THADA: variants seen among roughly 807,000 people sequenced by gnomAD.
THADA encodes the protein tRNA (32-2'-O)-methyltransferase regulator THADA.
THADA carries 213 observed loss-of-function variants against 219.8 expected under a neutral mutation model. The observed-to-expected ratio is 0.97, with a 90% CI of 0.87 to 1.09. THADA has a LOEUF of 1.09. THADA is among the 50% of genes least tolerant of loss of function. The pLI, the probability that THADA is intolerant of heterozygous loss-of-function variation, is 0.00. For missense variants in THADA, 2,956 were observed against 2,311.3 expected, an observed-to-expected ratio of 1.28 and a Z score of -5.72; for synonymous variants, 1,018 against 828.9, an observed-to-expected ratio of 1.23 and a Z score of -3.92.
At chr2:43,511,554 C>G (rs1690447505) in intron 22 of THADA, among the ~76,000 whole-genome samples, 1 of 152,176 alleles carries the variant, frequency 6.6e-6, no homozygotes, top group Admixed American at 6.5e-5. Context: ...CTGGACCCAA[C>G]CCTCCTACTT....
At chr2:43,523,308 A>C (rs928942107) in intron 22 of THADA, among the ~76,000 whole-genome samples, 4 of 151,838 alleles carry the variant, frequency 2.6e-5, no homozygotes, top group African/African-American at 9.7e-5. Context: ...CAGAAGTTGC[A>C]ATGAGCCAAG....
intron 28 of THADA, among the ~76,000 whole-genome samples, chr2:43,417,118 T>C: frequency 6.7e-6 from 1 of 148,698 alleles, no homozygotes; most frequent in East Asian, 2.0e-4. Context: ...CAAGTTACTA[T>C]ATGTGAAAGT....
intron 10 of THADA, among the ~76,000 whole-genome samples, chr2:43,576,482 T>C (rs1426441953): frequency 6.6e-6 from 1 of 152,226 alleles, no homozygotes; most frequent in Non-Finnish European, 1.5e-5. Flanking sequence ...AGATTTCTTA[T>C]CCTATATAGT....
At chr2:43,522,420 T>A (rs1306909524) in intron 22 of THADA, among the ~76,000 whole-genome samples, 1 of 152,020 alleles carries the variant, frequency 6.6e-6, no homozygotes, top group African/African-American at 2.4e-5. Flanking sequence ...GAATTACCAA[T>A]CAGAGGGCCA....
intron 29 of THADA, among the ~76,000 whole-genome samples, chr2:43,358,603 T>C (rs991899970): frequency 8.5e-5 from 13 of 152,340 alleles, no homozygotes; most frequent in Admixed American, 5.9e-4. Flanking sequence ...AGAGAGGCTA[T>C]AAAATTTGCC....
At chr2:43,236,527 A>G (rs531636181) in intron 36 of THADA, among the ~76,000 whole-genome samples, 29 of 152,302 alleles carry the variant, frequency 1.9e-4, no homozygotes, top group Admixed American at 1.8e-3. Flanking sequence ...CAAGGAAACA[A>G]GAAAGCAAGC....
At chr2:43,463,344 T>C (rs1350840519) in intron 26 of THADA, 2 of 152,168 alleles carry the variant, frequency 1.3e-5, no homozygotes, top group African/African-American at 4.8e-5. Flanking sequence ...GTGGAGTCCT[T>C]TGGAAATCTT....
Position 43,293,093 on chromosome 2 carries a change from G to C in THADA, c.4559C>G (p.Thr1520Ser). 6.2e-7 allele frequency: 1 copy of C among 1,613,992 alleles called. No homozygotes were observed. The highest frequency in any genetic ancestry group is 8.5e-7 in the Non-Finnish European group (1 of 1,179,904). ...PGLPQYLQSL[T>S]RLAIAAVWAA... The stretch of plus-strand genomic sequence containing the variant: ...CCACACTGCAGCAATGGCTAGTCTG[G>C]TGAGGCTCTGGAGGTACTGGGGCAG... The change falls in exon 32 of 38, where the codon ACC (threonine) becomes AGC (serine). Residue 1520 changes from threonine (T) to serine (S), a missense_variant. Physicochemically the swap from Thr to Ser is moderately conservative, Grantham distance 58 (BLOSUM62 1). Coordinates refer to ENST00000405975, the MANE Select transcript of THADA (RefSeq NM_022065.5).
At chr2:43,467,180 T>C (rs1307013155) in intron 26 of THADA, among the ~76,000 whole-genome samples, 1 of 20,944 alleles carries the variant, frequency 4.8e-5, no homozygotes, top group African/African-American at 1.6e-4. Context: ...AGACTCCGTC[T>C]CAAAAAAAAA....
At chr2:43,336,889 A>G (rs985985553) in intron 30 of THADA, among the ~76,000 whole-genome samples, 5 of 152,226 alleles carry the variant, frequency 3.3e-5, no homozygotes, top group African/African-American at 4.8e-5. Flanking sequence ...GGGGCCGTGC[A>G]GAAGCACAGA....
At chr2:43,423,435 CTT>C (rs34481568) in intron 28 of THADA, among the ~76,000 whole-genome samples, 56 of 142,168 alleles carry the variant, frequency 3.9e-4, no homozygotes, top group African/African-American at 4.1e-4. Flanking sequence ...TTCTTTCTTT[CTT>C]TTTTTTTTTT....
At chr2:43,567,489 T>C (rs897664991) in intron 14 of THADA, among the ~76,000 whole-genome samples, 1 of 152,034 alleles carries the variant, frequency 6.6e-6, no homozygotes, top group Non-Finnish European at 1.5e-5. Context: ...TAGCCAGGTG[T>C]GGTGGCAGAG....
intron 28 of THADA, among the ~76,000 whole-genome samples, chr2:43,422,792 C>T (rs781717146): frequency 1.1e-4 from 16 of 152,128 alleles, no homozygotes; most frequent in Admixed American, 2.0e-4. Flanking sequence ...TCACAGCTCA[C>T]TTGAGCTGCC....
Position 43,577,260 on chromosome 2 carries a change from A to G in THADA, c.817-18T>C. 6.5e-7 allele frequency: 1 copy of G among 1,542,956 alleles called. No individual in the cohort carries two copies. The highest frequency in any genetic ancestry group is 1.2e-5 in the South Asian group (1 of 84,244). On this transcript the variant is annotated intron_variant, in intron 9 of 37. Transcript: ENST00000405975. The stretch of plus-strand genomic sequence containing the variant: ...CTGCTAATCTGGAAAAATATAGCAG[A>G]GCTAACACACATAAAGCTTTTAAAA...
chr2:43,555,355 A>C (rs1488604824), intron 17 of THADA, among the ~76,000 whole-genome samples: 4 of 151,414 alleles, frequency 2.6e-5, no homozygotes, highest in African/African-American at 9.7e-5. Context: ...CTTGTGAATA[A>C]AACTTGTGAA....
intron 29 of THADA, among the ~76,000 whole-genome samples, chr2:43,384,014 T>G (rs1015440500): frequency 6.6e-6 from 1 of 152,152 alleles, no homozygotes; most frequent in Non-Finnish European, 1.5e-5. Context: ...GCTACCCCCC[T>G]ACCCCAGCTT....
At chr2:43,574,260 G>C (rs141082012) in intron 11 of THADA, 76 bp downstream of exon 11, 1 of 959,150 alleles carries the variant, frequency 1.0e-6, no homozygotes, top group East Asian at 2.6e-5. Context: ...ATTTGAATAT[G>C]ATTAGTATCT....
chr2:43,283,422 G>C (rs934327779), intron 35 of THADA, among the ~76,000 whole-genome samples: 2 of 152,218 alleles, frequency 1.3e-5, no homozygotes, highest in African/African-American at 4.8e-5. Context: ...GGAGGGCTCA[G>C]AAAAAGACAG....
At chr2:43,236,945 G>A (rs568375162) in intron 36 of THADA, among the ~76,000 whole-genome samples, 13 of 151,170 alleles carry the variant, frequency 8.6e-5, no homozygotes, top group African/African-American at 3.2e-4. Context: ...GGTGGTGGGC[G>A]CCTGTAGTCC....
Sources: allele counts gnomAD v4.1 joint callset (sites outside exome capture counted in the v4.1 genomes callset), GRCh38; gene constraint gnomAD v4.1.1; transcripts MANE v1.5; gene names NCBI Gene and HGNC (gene_info 2026-07-23, HGNC 2026-07-21).